SERPINB9: variants seen among roughly 807,000 people sequenced by gnomAD.
The protein encoded by SERPINB9 is serpin family B member 9, also known as serpin B9.
In SERPINB9, 20 loss-of-function variants were observed where a neutral mutation model predicts 27.2. The observed-to-expected ratio is 0.74, with a 90% CI of 0.52 to 1.07. SERPINB9 has a LOEUF of 1.07. Among genes scored for constraint, SERPINB9 ranks in the 50% least tolerant of loss-of-function variants. SERPINB9 has a pLI of 0.00. For synonymous variants in SERPINB9, 189 were observed against 180.0 expected (o/e 1.05, Z -0.40); for missense variants, 476 against 460.1 (o/e 1.03, Z -0.32).
chr6:2,897,266 G>A (rs888190915), intron 2 of SERPINB9, among the ~76,000 whole-genome samples: 2 of 152,182 alleles, frequency 1.3e-5, no homozygotes, highest in African/African-American at 4.8e-5. Flanking sequence ...AGGAGTTCAA[G>A]ACCAGCCTGG....
At position 2,887,738 on chromosome 6, in the gene SERPINB9, T is replaced by C. The variant is rs573403037; in HGVS notation, c.*2425A>G. ...GGTGGGTGCTTGTAGTCTCAGCTAC[T>C]TGGGAGGCTGAAGCAAGAGAATTGC... On this transcript the variant is annotated 3_prime_UTR_variant, in exon 7 of 7. Transcript: ENST00000380698. 2 of 151,326 alleles carry C rather than the reference T, an allele frequency of 1.3e-5. No homozygotes were observed. The highest frequency in any genetic ancestry group is 2.4e-5 in the African/African-American group (1 of 41,040). The allele number at this position is 151,326 out of a possible 1,614,324, so 9.4% of individuals were successfully genotyped here.
rs535487251 is a variant in SERPINB9, at chr6:2,892,105, TAAAAAAAAAAAAAAAAAAA to T, written c.568-136_568-118del. On this transcript the variant is annotated intron_variant, in intron 5 of 6. Transcript: ENST00000380698. Reference sequence around the variant, plus strand: ...GCCACATTCATGCCCCAGTTAACACTAAAAAAAAAAAAAAAAAAAAAAAAAAAAAAAGTCAACCAGTTCC... The same window carrying T: ...GCCACATTCATGCCCCAGTTAACACTAAAAAAAAAAAAGTCAACCAGTTCC... 10 of 118,048 alleles carry T rather than the reference TAAAAAAAAAAAAAAAAAAA, an allele frequency of 8.5e-5. 1 individual carries two copies. The highest frequency in any genetic ancestry group is 1.3e-4 in the Non-Finnish European group (9 of 71,760). 7.3% of individuals were successfully genotyped at this position (118,048 alleles called of 1,614,324 possible).
In SERPINB9 at chr6:2,889,982, T is replaced by C; in HGVS notation, c.*181A>G. On this transcript the variant is annotated 3_prime_UTR_variant, in exon 7 of 7. Coordinates refer to ENST00000380698, the MANE Select transcript of SERPINB9 (RefSeq NM_004155.6). ...TGGTCTATTTTCTCAAGATTCTGAT[T>C]AAGTAGCATAAGCGAGTGTGGAGCA... 1 of 513,788 alleles carries C rather than the reference T, an allele frequency of 1.9e-6. No individual in the cohort carries two copies. Among genetic ancestry groups the C allele is most frequent in the Non-Finnish European group, 3.4e-6 (1 of 294,370 alleles). The allele number at this position is 513,788 out of a possible 1,614,324, so 31.8% of individuals were successfully genotyped here.
chr6:2,893,127 G>A (rs1401443011), intron 5 of SERPINB9, among the ~76,000 whole-genome samples: 3 of 82,266 alleles, frequency 3.6e-5, no homozygotes, highest in African/African-American at 9.3e-5. Flanking sequence ...CCAAAACTAG[G>A]TGGCAGCAAT....
chr6:2,890,204 C>T lies in SERPINB9; in HGVS notation c.1090G>A (p.Ala364Thr), dbSNP rs769973533. Residue 364 changes from alanine to threonine, a missense_variant, in exon 7 of 7, where the codon GCC becomes ACC. Ala to Thr is a moderately conservative substitution (Grantham distance 58). Transcript: ENST00000380698. This position sits in a 1 kb window ranked among gnomAD's most constrained non-coding sequence, Gnocchi z 6.2. ...CTGCCACAGAACAGAATGCTGTTGG[C>T]TCTGTTGTGCCTGATGAAGAAAAGG... ...PFLFFIRHNR[A>T]NSILFCGRFS... is the part of the protein sequence containing the mutation. 6 of 1,614,054 alleles carry T rather than the reference C, an allele frequency of 3.7e-6. No individual in the cohort carries two copies. The highest frequency in any genetic ancestry group is 5.1e-6 in the Non-Finnish European group (6 of 1,180,040).
In SERPINB9 at chr6:2,891,018, A is replaced by G. The variant is rs1277347540; in HGVS notation, c.724-448T>C. On this transcript the variant is annotated intron_variant, in intron 6 of 6. Transcript: ENST00000380698. The surrounding 1 kb of genome is among the most constrained non-coding windows in gnomAD (Gnocchi z 4.0). The stretch of plus-strand genomic sequence containing the variant: ...AGATTCTGCATAGTTTCCGGAGCAG[A>G]GAGGTTACCAGAGGATTATCTGCCC... Among the ~76,000 whole-genome samples the G allele has an allele frequency of 1.3e-5, 2 of 152,220 alleles. No homozygotes were observed. The highest frequency in any genetic ancestry group is 3.8e-4 in the East Asian group (2 of 5,204).
Position 2,890,845 on chromosome 6 carries a change from T to A in SERPINB9, c.724-275A>T, listed in dbSNP as rs917210183. ...CAACAACTCCAGAGACATCTTGTAT[T>A]GTGACAAGTGTCAATGCCCAGGCGA... On this transcript the variant is annotated intron_variant, in intron 6 of 6. Coordinates refer to ENST00000380698, the MANE Select transcript of SERPINB9 (RefSeq NM_004155.6). This position sits in a 1 kb window ranked among gnomAD's most constrained non-coding sequence, Gnocchi z 6.2. 9.2e-5 allele frequency among the ~76,000 whole-genome samples: 14 copies of A among 152,140 alleles called. No homozygotes were observed. Among genetic ancestry groups the A allele is most frequent in the Non-Finnish European group, 1.6e-4 (11 of 68,026 alleles).
rs1342339150 is a variant in SERPINB9 at position 2,900,447 on chromosome 6, G to C, written c.165C>G (p.Ala55=). 1 of 1,613,928 alleles carries C rather than the reference G, an allele frequency of 6.2e-7. No individual in the cohort carries two copies. Among genetic ancestry groups the C allele is most frequent in the Non-Finnish European group, 8.5e-7 (1 of 1,179,964 alleles). ...GAKGNTATQM[A]QALSLNTEED... is the part of the protein sequence containing the mutation. ...CCTGGCGGACGGGCAAGCTTACCTG[G>C]GCCATCTGGGTTGCGGTGTTTCCCT... Residue 55 remains alanine (A), a synonymous_variant, in exon 2 of 7, where the codon GCC becomes GCG. Coordinates refer to ENST00000380698, the MANE Select transcript of SERPINB9 (RefSeq NM_004155.6).
chr6:2,900,133 A>G (rs1768146111), intron 2 of SERPINB9: 1 of 425,166 alleles, frequency 2.4e-6, no homozygotes, highest in African/African-American at 2.0e-5. Flanking sequence ...TTTGCAACTT[A>G]TGTTTCAAAT....
chr6:2,895,936 G>C (rs533637243), intron 3 of SERPINB9, 117 bp downstream of exon 3: 1 of 1,126,148 alleles, frequency 8.9e-7, no homozygotes, highest in African/African-American at 1.6e-5. Flanking sequence ...AAAAAATAGT[G>C]CAATTTTTTT....
chr6:2,900,731 T>A, intron 1 of SERPINB9, 110 bp from the exon 2 acceptor site: 1 of 991,220 alleles, frequency 1.0e-6, no homozygotes, highest in Non-Finnish European at 1.5e-6. Flanking sequence ...TTCTTAAAGT[T>A]CGTAAGTATT....
At chr6:2,893,256 CG>C (rs1738461600) in intron 5 of SERPINB9, among the ~76,000 whole-genome samples, 154 bp downstream of exon 5, 2 of 54,846 alleles carry the variant, frequency 3.6e-5, no homozygotes, top group South Asian at 1.2e-3. Flanking sequence ...TTACTCCTTC[CG>C]TTTTTTTCTA....
chr6:2,892,055 G>A (rs1260195176), intron 5 of SERPINB9, 67 bp from the exon 6 acceptor site: 22 of 1,263,764 alleles, frequency 1.7e-5, no homozygotes, highest in Non-Finnish European at 2.2e-5. Context: ...CTCCAAGAGT[G>A]TTTTCAGCAC....
chr6:2,900,549 T>G lies in SERPINB9; in HGVS notation c.63A>C (p.Gln21His). 6.2e-7 allele frequency: 1 copy of G among 1,614,146 alleles called. No homozygotes were observed. Among genetic ancestry groups the G allele is most frequent in the Non-Finnish European group, 8.5e-7 (1 of 1,180,030 alleles). ...AGAACACGTTGTGCGAAGGGTTATC[T>G]TGACACAGTATCTTTAAAAGGCGTA... is the stretch of plus-strand genomic sequence containing the variant. The part of the protein sequence containing the change: ...FAIRLLKILC[Q>H]DNPSHNVFCS... Residue 21 changes from glutamine (Q) to histidine (H), a missense_variant, in exon 2 of 7, where the codon CAA becomes CAC. Coordinates refer to ENST00000380698, the MANE Select transcript of SERPINB9 (RefSeq NM_004155.6).
At position 2,894,143 on chromosome 6, in the gene SERPINB9, T is replaced by C. The variant is rs997888641; in HGVS notation, c.425-590A>G. Among the ~76,000 whole-genome samples, 2 of 152,116 alleles carry C rather than the reference T, an allele frequency of 1.3e-5. No individual in the cohort carries two copies. The highest frequency in any genetic ancestry group is 2.9e-5 in the Non-Finnish European group (2 of 68,018). The stretch of plus-strand genomic sequence containing the variant: ...TGGAGATCAAGTGGTACTGTTTCAA[T>C]GAACTGAGGGCATCCCTGCTAACCC... On this transcript the variant is annotated intron_variant, in intron 4 of 6. Coordinates refer to ENST00000380698, the MANE Select transcript of SERPINB9 (RefSeq NM_004155.6). The surrounding 1 kb of genome is among the most constrained non-coding windows in gnomAD (Gnocchi z 4.7).
At chr6:2,893,643 T>TTCTG in intron 4 of SERPINB9, 90 bp from the exon 5 acceptor site, 4 of 1,202,410 alleles carry the variant, frequency 3.3e-6, no homozygotes, top group South Asian at 1.5e-5. Context: ...AGAAGCAAAC[T>TTCTG]TCTGTTTTCA....
chr6:2,891,076 T>C lies in SERPINB9; in HGVS notation c.724-506A>G, dbSNP rs917363022. Among the ~76,000 whole-genome samples the C allele has an allele frequency of 6.6e-6, 1 of 152,184 alleles. No individual in the cohort carries two copies. The highest frequency in any genetic ancestry group is 2.4e-5 in the African/African-American group (1 of 41,434). On this transcript the variant is annotated intron_variant, in intron 6 of 6. Transcript: ENST00000380698. This position sits in a 1 kb window ranked among gnomAD's most constrained non-coding sequence, Gnocchi z 4.0. ...ATTCTGCATAGTTTCCGGAGCATAG[T>C]TTCAGGAAGGTGGGCAGAGGGAGAG...
At chr6:2,892,054 T>A in intron 5 of SERPINB9, 66 bp from the exon 6 acceptor site, 2 of 1,481,592 alleles carry the variant, frequency 1.3e-6, no homozygotes, top group Non-Finnish European at 9.1e-7. Flanking sequence ...CCTCCAAGAG[T>A]GTTTTCAGCA....
At position 2,888,920 on chromosome 6, in the gene SERPINB9, A is replaced by G. The variant is rs1450861695; in HGVS notation, c.*1243T>C. 2 of 152,180 alleles carry G rather than the reference A, an allele frequency of 1.3e-5. No individual in the cohort carries two copies. The highest frequency in any genetic ancestry group is 6.5e-5 in the Admixed American group (1 of 15,280). 9.4% of individuals were successfully genotyped at this position (152,180 alleles called of 1,614,324 possible). A position where few individuals can be genotyped will look rare whatever the true frequency, so the allele number is the denominator to read the frequency against. ...AAAATATAAGTTACATAGCTCGTATATAATCAACTTACTTATTACTGCACT... is the reference window on the plus strand; with the variant it reads ...AAAATATAAGTTACATAGCTCGTATGTAATCAACTTACTTATTACTGCACT... On this transcript the variant is annotated 3_prime_UTR_variant, in exon 7 of 7. Transcript: ENST00000380698.
Sources: gnomAD v4.1 joint callset for allele counts (sites outside exome capture counted in the v4.1 genomes callset) on GRCh38, gnomAD v4.1.1 for gene constraint, Gnocchi (gnomAD v3.1) non-coding constraint, MANE v1.5 for transcripts, NCBI Gene and HGNC (gene_info 2026-07-23, HGNC 2026-07-21) for gene names.